Variants in SLC25A42 observed in about 807,000 individuals in gnomAD.
SLC25A42 encodes solute carrier family 25 member 42.
In SLC25A42, 19 loss-of-function variants were observed where a neutral mutation model predicts 34.7. The observed-to-expected ratio is 0.55, with a 90% CI of 0.38 to 0.80. The LOEUF is 0.80. Ranked by LOEUF, SLC25A42 falls within the 30% of genes least tolerant of loss-of-function variation. The probability of loss-of-function intolerance (pLI) is 0.00; values close to 1 mark genes in which losing one functional copy is unlikely to be tolerated. For synonymous variants in SLC25A42, 205 were observed against 191.2 expected (o/e 1.07, Z -0.59); for missense variants, 364 against 441.3 (o/e 0.82, Z 1.57).
chr19:19,105,748 G>A (rs2059823110), intron 5 of SLC25A42, 21 bp downstream of exon 5: 1 of 1,517,394 alleles, frequency 6.6e-7, no homozygotes, highest in African/African-American at 1.4e-5. Flanking sequence ...GCCCCGCCCT[G>A]CCACAGAATC....
rs1375992377 is a variant in SLC25A42, at chr19:19,112,437, C to T, written c.*1561C>T. 6.6e-6 allele frequency: 1 copy of T among 152,328 alleles called. No homozygotes were observed. Among genetic ancestry groups the T allele is most frequent in the African/African-American group, 2.4e-5 (1 of 41,460 alleles). The allele number at this position is 152,328 out of a possible 1,614,324, so 9.4% of individuals were successfully genotyped here. A position where few individuals can be genotyped will look rare whatever the true frequency, so the allele number is the denominator to read the frequency against. ...GGGGCTGTCCCACTGTGTGGGTATC[C>T]CTTACCCAGCACTTAAACTTGGCAG... On this transcript the variant is annotated 3_prime_UTR_variant, in exon 8 of 8. Coordinates refer to ENST00000318596, the MANE Select transcript of SLC25A42 (RefSeq NM_178526.5). The surrounding 1 kb of genome is among the most constrained non-coding windows in gnomAD (Gnocchi z 4.3).
At chr19:19,078,604 A>C (rs2059666492) in intron 1 of SLC25A42, among the ~76,000 whole-genome samples, 1 of 152,224 alleles carries the variant, frequency 6.6e-6, no homozygotes, top group Non-Finnish European at 1.5e-5. Context: ...TGCAGCAAGC[A>C]CACAGAGGGA....
intron 5 of SLC25A42, 25 bp from the exon 6 acceptor site, chr19:19,106,244 C>T (rs1267480360): frequency 1.4e-5 from 22 of 1,594,026 alleles, no homozygotes; most frequent in African/African-American, 4.0e-5. Flanking sequence ...ACTGCCGTCT[C>T]GCCTTCTCCT....
intron 1 of SLC25A42, among the ~76,000 whole-genome samples, chr19:19,091,195 G>A (rs1432774567): frequency 3.3e-5 from 5 of 152,096 alleles, no homozygotes; most frequent in South Asian, 2.1e-4. Context: ...GGTGGCTCAC[G>A]CCTGTAATCC....
rs1251779433 is a variant in SLC25A42 at position 19,106,374 on chromosome 19, C to T, written c.486C>T (p.Thr162=). Reference sequence around the variant, plus strand: ...TGGTCAGAGCGCGGATGGCCGTAACCCCGAAGGAAATGTGAGTCCTTACAT... The same window carrying T: ...TGGTCAGAGCGCGGATGGCCGTAACTCCGAAGGAAATGTGAGTCCTTACAT... ...LDLVRARMAV[T]PKEMYSNIFH... Residue 162 remains threonine, a synonymous_variant, in exon 6 of 8, where the codon ACC becomes ACT. Transcript: ENST00000318596. The T allele has an allele frequency of 1.2e-6, 2 of 1,611,844 alleles. No individual in the cohort carries two copies. Among genetic ancestry groups the T allele is most frequent in the Admixed American group, 1.7e-5 (1 of 59,904 alleles).
At position 19,070,988 on chromosome 19, in the gene SLC25A42, C is replaced by T. The variant is rs375749966; in HGVS notation, c.-35+6873C>T. Among the ~76,000 whole-genome samples, 313 of 110,334 alleles carry T rather than the reference C, an allele frequency of 2.8e-3. 2 individuals are homozygous for T. Among genetic ancestry groups the T allele is most frequent in the African/African-American group, 5.6e-3 (135 of 24,180 alleles). The allele number at this position is 110,334 out of a possible 152,430, so 72.4% of individuals were successfully genotyped here. On this transcript the variant is annotated intron_variant, in intron 1 of 7. Transcript: ENST00000318596. ...AAGGACCTGACTAGTGAATGCATAC[C>T]GTCTTTTTTTTTTTTTTTTTTTAAT...
chr19:19,077,138 A>G (rs767610330), intron 1 of SLC25A42, among the ~76,000 whole-genome samples: 1 of 152,186 alleles, frequency 6.6e-6, no homozygotes, highest in Non-Finnish European at 1.5e-5. Flanking sequence ...GAGCCATCAT[A>G]GTGCCACTGC....
rs116568581 is a variant in SLC25A42, at chr19:19,104,700, G to C, written c.188-213G>C. On this transcript the variant is annotated intron_variant, in intron 3 of 7. Coordinates refer to ENST00000318596, the MANE Select transcript of SLC25A42 (RefSeq NM_178526.5). ...GAATGGTAGTCTAGTCCAGGGGCAG[G>C]GTGCTGAGTGTCAACCCATCTCAGA... Among the ~76,000 whole-genome samples the C allele has an allele frequency of 7.8e-3, 1,190 of 152,230 alleles. 12 individuals carry two copies. Among genetic ancestry groups the C allele is most frequent in the African/African-American group, 0.028 (1,151 of 41,540 alleles).
chr19:19,095,708 GTATTGGCACCGAGCAC>G (rs2059760699), intron 1 of SLC25A42, among the ~76,000 whole-genome samples: 1 of 152,196 alleles, frequency 6.6e-6, no homozygotes, highest in Admixed American at 6.5e-5. Flanking sequence ...CCTGACAGTG[GTATTGGCACCGAGCAC>G]CTCGGTGCCC....
chr19:19,106,070 G>A (rs2059825734), intron 5 of SLC25A42, 199 bp from the exon 6 acceptor site: 2 of 567,092 alleles, frequency 3.5e-6, no homozygotes, highest in African/African-American at 1.9e-5. Flanking sequence ...GGAAGGGAAG[G>A]CAGCCATGTA....
Position 19,101,901 on chromosome 19 carries a change from T to C in SLC25A42, c.187+15T>C, listed in dbSNP as rs1478482818. ...CATCTTCCAAGGTAAGTGTTGGCCATCCCCAGGTGCTAGAGAAGCTGCCAG... is the reference window on the plus strand; with the variant it reads ...CATCTTCCAAGGTAAGTGTTGGCCACCCCCAGGTGCTAGAGAAGCTGCCAG... On this transcript the variant is annotated intron_variant, in intron 3 of 7. Transcript: ENST00000318596. The C allele has an allele frequency of 6.2e-7, 1 of 1,602,284 alleles. No homozygotes were observed. Among genetic ancestry groups the C allele is most frequent in the Admixed American group, 1.7e-5 (1 of 59,384 alleles).
chr19:19,079,749 T>G (rs1375974402), intron 1 of SLC25A42, among the ~76,000 whole-genome samples: 1 of 152,184 alleles, frequency 6.6e-6, no homozygotes. Flanking sequence ...TTGCTATTGT[T>G]TCTATTGTGT....
rs767968883 is a variant in SLC25A42, at chr19:19,107,902, A to G, written c.506A>G (p.Asn169Ser). The change falls in exon 7 of 8, where the codon AAC (asparagine) becomes AGC (serine). Residue 169 changes from asparagine (N) to serine (S), a missense_variant. Asn to Ser is a conservative substitution (Grantham distance 46). Transcript: ENST00000318596. Reference protein sequence around the residue: ...MAVTPKEMYSNIFHVFIRISR... With the variant: ...MAVTPKEMYSSIFHVFIRISR... ...CTGCTCTGTCCTGGCAGGTACAGCA[A>G]CATCTTTCATGTCTTCATCCGCATC... The G allele has an allele frequency of 6.2e-7, 1 of 1,614,112 alleles. No homozygotes were observed. The highest frequency in any genetic ancestry group is 8.5e-7 in the Non-Finnish European group (1 of 1,180,010).
intron 1 of SLC25A42, among the ~76,000 whole-genome samples, chr19:19,067,149 T>C (rs2059607226): frequency 6.6e-6 from 1 of 152,196 alleles, no homozygotes; most frequent in Non-Finnish European, 1.5e-5. Flanking sequence ...TTTTGTGGTC[T>C]GTCCCATCTG....
chr19:19,106,229 C>G (rs766196998), intron 5 of SLC25A42, 40 bp from the exon 6 acceptor site: 3 of 1,554,878 alleles, frequency 1.9e-6, no homozygotes, highest in Non-Finnish European at 2.6e-6. Context: ...ATCTGCAACC[C>G]CCTCACTGCC....
chr19:19,094,316 A>G (rs1227685807), intron 1 of SLC25A42, among the ~76,000 whole-genome samples: 1 of 151,970 alleles, frequency 6.6e-6, no homozygotes, highest in Non-Finnish European at 1.5e-5. Context: ...TCATTTCTTT[A>G]TATTATATGG....
chr19:19,070,295 ATT>A lies in SLC25A42; in HGVS notation c.-35+6199_-35+6200del, dbSNP rs11390931. On this transcript the variant is annotated intron_variant, in intron 1 of 7. Transcript: ENST00000318596. ...CAGGTGTGAGCCACCCTGCCTGGCC[ATT>A]TTTTTTTTTTTTTTTTTTAGACAGA... Among the ~76,000 whole-genome samples, 950 of 104,772 alleles carry A rather than the reference ATT, an allele frequency of 9.1e-3. 16 individuals carry two copies. The highest frequency in any genetic ancestry group is 0.034 in the African/African-American group (902 of 26,758). 68.7% of individuals were successfully genotyped at this position (104,772 alleles called of 152,430 possible).
intron 1 of SLC25A42, among the ~76,000 whole-genome samples, chr19:19,077,061 G>A (rs1215643235): frequency 1.3e-5 from 2 of 152,162 alleles, no homozygotes; most frequent in Non-Finnish European, 2.9e-5. Context: ...GCCCACACCT[G>A]TAGCCCCAGC....
At chr19:19,105,853 A>G (rs2059824337) in intron 5 of SLC25A42, 126 bp downstream of exon 5, 1 of 821,742 alleles carries the variant, frequency 1.2e-6, no homozygotes, top group East Asian at 2.8e-5. Flanking sequence ...TCTTCCCACA[A>G]CGAAACACTG....
Sources: allele counts gnomAD v4.1 joint callset (sites outside exome capture counted in the v4.1 genomes callset), GRCh38; gene constraint gnomAD v4.1.1; non-coding constraint Gnocchi (gnomAD v3.1); transcripts MANE v1.5; gene names NCBI Gene and HGNC (gene_info 2026-07-23, HGNC 2026-07-21).